ALK: variants seen among roughly 807,000 people sequenced by gnomAD.
ALK encodes ALK receptor tyrosine kinase, also known as ALK tyrosine kinase receptor.
A neutral mutation model predicts 163.1 loss-of-function variants in ALK; 74 were observed. The observed-to-expected ratio is 0.45, with a 90% CI of 0.38 to 0.55. ALK has a LOEUF of 0.55. Ranked by LOEUF, ALK falls within the 20% of genes least tolerant of loss-of-function variation. ALK has a pLI of 0.00. For missense variants in ALK, 2,063 were observed against 2,105.3 expected, an observed-to-expected ratio of 0.98 and a Z score of 0.39; for synonymous variants, 960 against 843.2, an observed-to-expected ratio of 1.14 and a Z score of -2.40.
intron 1 of ALK, among the ~76,000 whole-genome samples, chr2:29,859,225 T>C (rs1024993293): frequency 6.6e-6 from 1 of 152,182 alleles, no homozygotes; most frequent in Non-Finnish European, 1.5e-5. Flanking sequence ...CCTCTCTAGG[T>C]GACACTAGTG....
intron 3 of ALK, among the ~76,000 whole-genome samples, chr2:29,561,269 T>C (rs1674015326): frequency 6.6e-6 from 1 of 152,152 alleles, no homozygotes; most frequent in Non-Finnish European, 1.5e-5. Context: ...TCCATTCCAT[T>C]CCAGAGATTG....
intron 1 of ALK, among the ~76,000 whole-genome samples, chr2:29,750,697 A>AAGGAAGGAAGGAAGGAAGGCAGGC (rs1402085327): frequency 2.4e-5 from 2 of 84,634 alleles, no homozygotes; most frequent in South Asian, 4.6e-4. Context: ...GGAAGGAAGG[A>AAGGAAGGAAGGAAGGAAGGCAGGC]AGGCAGGCAG....
At chr2:29,422,836 CT>C (rs1299899417) in intron 4 of ALK, among the ~76,000 whole-genome samples, 1 of 151,710 alleles carries the variant, frequency 6.6e-6, no homozygotes, top group African/African-American at 2.4e-5. Context: ...ATCTTAAAAG[CT>C]TTTTCAGGAA....
At chr2:29,645,195 G>A (rs750235961) in intron 3 of ALK, among the ~76,000 whole-genome samples, 2 of 152,178 alleles carry the variant, frequency 1.3e-5, no homozygotes, top group Non-Finnish European at 2.9e-5. Context: ...TTATCAAAGT[G>A]TAAAGGCTCA....
At chr2:29,797,614 G>A (rs1460129835) in intron 1 of ALK, among the ~76,000 whole-genome samples, 2 of 152,158 alleles carry the variant, frequency 1.3e-5, no homozygotes, top group Non-Finnish European at 2.9e-5. Context: ...AAGTGCCAGG[G>A]ACATTGCTTA....
intron 3 of ALK, among the ~76,000 whole-genome samples, chr2:29,638,374 C>A (rs1019737242): frequency 2.6e-5 from 4 of 152,126 alleles, no homozygotes; most frequent in Admixed American, 2.6e-4. Flanking sequence ...CTCCTCCTAC[C>A]CTAACAAGGC....
At chr2:29,388,795 AG>A (rs1669092160) in intron 4 of ALK, among the ~76,000 whole-genome samples, 1 of 152,330 alleles carries the variant, frequency 6.6e-6, no homozygotes, top group Non-Finnish European at 1.5e-5. Flanking sequence ...AGGGTGAGAA[AG>A]GTATTGCAAT....
At chr2:29,838,626 T>C (rs1307499288) in intron 1 of ALK, among the ~76,000 whole-genome samples, 2 of 152,208 alleles carry the variant, frequency 1.3e-5, no homozygotes, top group Non-Finnish European at 2.9e-5. Context: ...AATGTGTATG[T>C]ATCTTTCAGA....
Position 29,859,392 on chromosome 2 carries a change from C to A in ALK, c.667+60601G>T, listed in dbSNP as rs145206625. 2.0e-5 allele frequency among the ~76,000 whole-genome samples: 3 copies of A among 152,138 alleles called. 1 individual carries two copies. In the South Asian group the frequency reaches 6.2e-4, roughly 31 times the overall value. On this transcript the variant is annotated intron_variant, in intron 1 of 28. Coordinates refer to ENST00000389048, the MANE Select transcript of ALK (RefSeq NM_004304.5). ...AAGCCAGACTCAGGCACAAGTGGCA[C>A]GTGTAAAGAAAACTATGGGATGCCA... is the stretch of plus-strand genomic sequence containing the variant.
chr2:29,707,907 G>T (rs983184229), intron 2 of ALK, among the ~76,000 whole-genome samples: 1 of 152,136 alleles, frequency 6.6e-6, no homozygotes, highest in African/African-American at 2.4e-5. Context: ...AAAAGGAGTA[G>T]GTAGTGGCTG....
chr2:29,594,175 A>G (rs1675137977), intron 3 of ALK, among the ~76,000 whole-genome samples: 1 of 152,214 alleles, frequency 6.6e-6, no homozygotes, highest in Admixed American at 6.5e-5. Flanking sequence ...AATTAACTAC[A>G]TTATATTTTA....
At chr2:29,792,450 A>T (rs558374704) in intron 1 of ALK, among the ~76,000 whole-genome samples, 2 of 152,348 alleles carry the variant, frequency 1.3e-5, no homozygotes, top group East Asian at 3.9e-4. Flanking sequence ...CCCTCAATTC[A>T]AATCATCTAC....
intron 3 of ALK, among the ~76,000 whole-genome samples, chr2:29,640,152 C>A (rs1490013135): frequency 1.3e-5 from 2 of 152,138 alleles, no homozygotes; most frequent in Non-Finnish European, 2.9e-5. Flanking sequence ...AATTTCAGTA[C>A]CTGGTGGATT....
intron 5 of ALK, among the ~76,000 whole-genome samples, chr2:29,375,352 G>A (rs1278140162): frequency 6.6e-6 from 1 of 151,510 alleles, no homozygotes. Flanking sequence ...ACGGAGTCTC[G>A]CTGTCTCCCA....
At position 29,220,979 on chromosome 2, in the gene ALK, G is replaced by A. The variant is rs748737133; in HGVS notation, c.3516-144C>T. The A allele has an allele frequency of 1.5e-4, 177 of 1,172,202 alleles. 1 individual carries two copies. Among genetic ancestry groups the A allele is most frequent in the Admixed American group, 2.0e-4 (10 of 49,950 alleles). 72.6% of individuals were successfully genotyped at this position (1,172,202 alleles called of 1,614,324 possible). A position where few individuals can be genotyped will look rare whatever the true frequency, so the allele number is the denominator to read the frequency against. ...TGTAAACATGGGCAGCAGGGGTCCC[G>A]GGCTGAGCCTAAACCCAGAATCTTG... On this transcript the variant is annotated intron_variant, in intron 22 of 28. Transcript: ENST00000389048.
At chr2:29,628,500 A>C (rs1287226158) in intron 3 of ALK, among the ~76,000 whole-genome samples, 1 of 152,210 alleles carries the variant, frequency 6.6e-6, no homozygotes, top group East Asian at 1.9e-4. Flanking sequence ...GACCATATGG[A>C]GGAGTTTTCT....
At chr2:29,412,240 T>C (rs1233978172) in intron 4 of ALK, among the ~76,000 whole-genome samples, 1 of 152,140 alleles carries the variant, frequency 6.6e-6, no homozygotes, top group Non-Finnish European at 1.5e-5. Context: ...TCTTGAAAGG[T>C]ATGTTACTCT....
chr2:29,232,422 C>G lies in ALK; in HGVS notation c.2514G>C (p.Leu838=). The change falls in exon 15 of 29, where the codon CTG becomes CTC. Residue 838 remains leucine (L), a synonymous_variant. Coordinates refer to ENST00000389048, the MANE Select transcript of ALK (RefSeq NM_004304.5). ...TGCCACCACCTCCGGCTGCAATGATCAGGGGCACCGGCACTCCATCCTTCA... is the reference window on the plus strand; with the variant it reads ...TGCCACCACCTCCGGCTGCAATGATGAGGGGCACCGGCACTCCATCCTTCA... ...FKMKDGVPVP[L]IIAAGGGGRA... is the part of the protein sequence containing the mutation. 6.2e-7 allele frequency: 1 copy of G among 1,614,246 alleles called. No individual in the cohort carries two copies. The highest frequency in any genetic ancestry group is 8.5e-7 in the Non-Finnish European group (1 of 1,180,046).
chr2:29,498,999 T>TC (rs1672102145), intron 4 of ALK, among the ~76,000 whole-genome samples: 1 of 152,124 alleles, frequency 6.6e-6, no homozygotes, highest in African/African-American at 2.4e-5. Flanking sequence ...AAACTTCTCC[T>TC]CCCCATCAAA....
Sources: gnomAD v4.1 joint callset for allele counts (sites outside exome capture counted in the v4.1 genomes callset) on GRCh38, gnomAD v4.1.1 for gene constraint, MANE v1.5 for transcripts, NCBI Gene and HGNC (gene_info 2026-07-23, HGNC 2026-07-21) for gene names.